The following SYCE1L variants were observed in gnomAD, a reference collection of about 807,000 sequenced individuals.
SYCE1L encodes synaptonemal complex central element protein 1-like.
SYCE1L carries 51 observed loss-of-function variants against 39.6 expected under a neutral mutation model. The observed-to-expected ratio is 1.29, with a 90% CI of 1.03 to 1.63. The LOEUF (loss-of-function observed/expected upper bound fraction) is 1.63, where lower values mean the gene tolerates loss of function less well. SYCE1L is among the 40% of genes most tolerant of loss of function. SYCE1L has a pLI of 0.00. For synonymous variants in SYCE1L, 147 were observed against 122.4 expected (o/e 1.20, Z -1.33); for missense variants, 426 against 304.9 (o/e 1.40, Z -2.96).
At chr16:77,201,806 T>C (rs1307995061) in intron 1 of SYCE1L, 1 of 152,128 alleles carries the variant, frequency 6.6e-6, no homozygotes, top group Non-Finnish European at 1.5e-5. Context: ...AGTTCTAATT[T>C]AAATGTATTA....
intron 1 of SYCE1L, among the ~76,000 whole-genome samples, chr16:77,204,479 GAC>G (rs2054771505): frequency 6.6e-6 from 1 of 152,174 alleles, no homozygotes; most frequent in African/African-American, 2.4e-5. Context: ...GGCAGGTGAA[GAC>G]ACAGACAGGG....
chr16:77,206,690 G>C (rs2054787843), intron 2 of SYCE1L, among the ~76,000 whole-genome samples, 190 bp downstream of exon 2: 1 of 152,090 alleles, frequency 6.6e-6, no homozygotes, highest in African/African-American at 2.4e-5. Flanking sequence ...TAAAGGAATG[G>C]AAAAACCAGT....
chr16:77,206,100 C>T lies in SYCE1L; in HGVS notation c.62-341C>T, dbSNP rs2054783998. On this transcript the variant is annotated intron_variant, in intron 1 of 10. Coordinates refer to ENST00000378644, the MANE Select transcript of SYCE1L (RefSeq NM_001129979.3). ...AGAAATTCATATGAAATCTTCCTGC[C>T]CTATTGTTCTGGTTAGAACTTCATA... is the stretch of plus-strand genomic sequence containing the variant. Among the ~76,000 whole-genome samples the T allele has an allele frequency of 2.6e-5, 4 of 152,034 alleles. No homozygotes were observed. In the South Asian group the frequency reaches 8.3e-4, roughly 32 times the overall value.
chr16:77,208,668 T>C, intron 4 of SYCE1L, 129 bp downstream of exon 4: 1 of 880,666 alleles, frequency 1.1e-6, no homozygotes, highest in Non-Finnish European at 1.7e-6. Flanking sequence ...CCTTTCACTG[T>C]CTCATGTCAT....
intron 1 of SYCE1L, among the ~76,000 whole-genome samples, chr16:77,205,264 C>A (rs2054777983): frequency 6.6e-6 from 1 of 151,506 alleles, no homozygotes; most frequent in Non-Finnish European, 1.5e-5. Flanking sequence ...TGTGAGCCGC[C>A]TTTCGTCTTC....
intron 4 of SYCE1L, among the ~76,000 whole-genome samples, chr16:77,208,747 C>T (rs2054803254): frequency 6.6e-6 from 1 of 152,184 alleles, no homozygotes; most frequent in South Asian, 2.1e-4. Context: ...GAATAGAATC[C>T]CGCCCTCTCT....
chr16:77,205,324 C>T (rs944933959), intron 1 of SYCE1L, among the ~76,000 whole-genome samples: 1 of 151,386 alleles, frequency 6.6e-6, no homozygotes, highest in Non-Finnish European at 1.5e-5. Context: ...TGACTTTTAC[C>T]ACTGATTTCA....
rs905032794 is a variant in SYCE1L, at chr16:77,212,119, T to A, written c.424-11T>A. On this transcript the variant is annotated splice_polypyrimidine_tract_variant and intron_variant, in intron 7 of 10. Coordinates refer to ENST00000378644, the MANE Select transcript of SYCE1L (RefSeq NM_001129979.3). ...CGGCCAAACGGGGAGGCCTCCTCTT[T>A]GTCCTCGCAGATGCTGGAGCAGCGA... The A allele has an allele frequency of 6.5e-5, 101 of 1,547,066 alleles. No individual in the cohort carries two copies. Among genetic ancestry groups the A allele is most frequent in the Admixed American group, 7.9e-5 (4 of 50,620 alleles).
At chr16:77,201,922 G>C (rs956339757) in intron 1 of SYCE1L, 2 of 152,146 alleles carry the variant, frequency 1.3e-5, no homozygotes, top group African/African-American at 4.8e-5. Flanking sequence ...CAAAAATGGA[G>C]GGGGGTATAG....
chr16:77,206,361 C>G (rs1006924552), intron 1 of SYCE1L, 80 bp from the exon 2 acceptor site: 3 of 1,288,500 alleles, frequency 2.3e-6, no homozygotes, highest in Non-Finnish European at 3.3e-6. Flanking sequence ...GTCTGCAGAG[C>G]CCACTGGGAC....
rs111823947 is a variant in SYCE1L, at chr16:77,199,442, G to A, written c.-10G>A. The A allele has an allele frequency of 6.4e-6, 10 of 1,551,348 alleles. No homozygotes were observed. In the African/African-American group the frequency reaches 6.8e-5, roughly 11 times the overall value. On this transcript the variant is annotated 5_prime_UTR_variant, in exon 1 of 11. Transcript: ENST00000378644. Reference sequence around the variant, plus strand: ...CAAGCGAGGCTCGCGCGCAGGCCCCGCGTTGGAAAATGGCGGGGAAGCTGA... The same window carrying A: ...CAAGCGAGGCTCGCGCGCAGGCCCCACGTTGGAAAATGGCGGGGAAGCTGA...
rs191407879 is a variant in SYCE1L at position 77,211,423 on chromosome 16, C to T, written c.423+147C>T. The T allele has an allele frequency of 1.4e-4, 137 of 961,456 alleles. No homozygotes were observed. The African/African-American group carries it at 2.0e-3, about 14-fold the overall frequency. The allele number at this position is 961,456 out of a possible 1,614,324, so 59.6% of individuals were successfully genotyped here. A position where few individuals can be genotyped will look rare whatever the true frequency, so the allele number is the denominator to read the frequency against. Reference sequence around the variant, plus strand: ...TTCCGCTTGCCCACCTATTCAGTCCCTCAGCTTTTATCTAAAATCAACTTA... The same window carrying T: ...TTCCGCTTGCCCACCTATTCAGTCCTTCAGCTTTTATCTAAAATCAACTTA... On this transcript the variant is annotated intron_variant, in intron 7 of 10. Coordinates refer to ENST00000378644, the MANE Select transcript of SYCE1L (RefSeq NM_001129979.3).
At chr16:77,205,838 C>A (rs972135816) in intron 1 of SYCE1L, among the ~76,000 whole-genome samples, 1 of 152,096 alleles carries the variant, frequency 6.6e-6, no homozygotes, top group African/African-American at 2.4e-5. Context: ...GAGCACTCCC[C>A]AAGGCAGCTT....
At position 77,200,256 on chromosome 16, in the gene SYCE1L, G is replaced by GTATATATATATATATGTATATATATA. The variant is rs2054720013; in HGVS notation, c.61+761_61+762insATATATATATATATATATATATATGT. 15 of 83,624 alleles carry GTATATATATATATATGTATATATATA rather than the reference G, an allele frequency of 1.8e-4. 1 individual carries two copies. The highest frequency in any genetic ancestry group is 5.6e-4 in the African/African-American group (15 of 26,946). The allele number at this position is 83,624 out of a possible 1,614,324, so 5.2% of individuals were successfully genotyped here. On this transcript the variant is annotated intron_variant, in intron 1 of 10. Transcript: ENST00000378644. The stretch of plus-strand genomic sequence containing the variant: ...TGTATATATATATATATGTATATGT[G>GTATATATATATATATGTATATATATA]TATATATATATATATGTGTATATAT...
At chr16:77,203,293 T>G (rs572147202) in intron 1 of SYCE1L, among the ~76,000 whole-genome samples, 38 of 152,304 alleles carry the variant, frequency 2.5e-4, no homozygotes, top group African/African-American at 8.9e-4. Context: ...GAGGGGAGAC[T>G]TTTCCTTTTT....
intron 1 of SYCE1L, among the ~76,000 whole-genome samples, chr16:77,205,250 G>A (rs1187072867): frequency 6.6e-6 from 1 of 151,538 alleles, no homozygotes; most frequent in Non-Finnish European, 1.5e-5. Context: ...TGGCTATCAT[G>A]TTTTGTGAGC....
intron 1 of SYCE1L, among the ~76,000 whole-genome samples, chr16:77,203,060 CAG>C (rs2054758063): frequency 1.3e-5 from 2 of 152,046 alleles, no homozygotes; most frequent in Admixed American, 1.3e-4. Flanking sequence ...GTGATTGTAT[CAG>C]GGGAAGCAGT....
rs2054838106 is a variant in SYCE1L, at chr16:77,213,049, G to A, written c.*118G>A. On this transcript the variant is annotated 3_prime_UTR_variant, in exon 11 of 11. Transcript: ENST00000378644. ...TCTGTGCTACACCGTGGAGCGGGGCGGGGCGTGCTGGGATCTCGAGGCGGG... is the reference window on the plus strand; with the variant it reads ...TCTGTGCTACACCGTGGAGCGGGGCAGGGCGTGCTGGGATCTCGAGGCGGG... 67 of 1,092,848 alleles carry A rather than the reference G, an allele frequency of 6.1e-5. No individual in the cohort carries two copies. The highest frequency in any genetic ancestry group is 7.6e-5 in the Non-Finnish European group (64 of 837,394). 67.7% of individuals were successfully genotyped at this position (1,092,848 alleles called of 1,614,324 possible). A position where few individuals can be genotyped will look rare whatever the true frequency, so the allele number is the denominator to read the frequency against.
intron 2 of SYCE1L, among the ~76,000 whole-genome samples, chr16:77,207,354 G>A (rs1030099980): frequency 1.3e-5 from 2 of 152,272 alleles, no homozygotes; most frequent in Non-Finnish European, 1.5e-5. Flanking sequence ...TTCCGTGTTG[G>A]CAACCTTGAA....
Sources: gnomAD v4.1 joint callset for allele counts (sites outside exome capture counted in the v4.1 genomes callset) on GRCh38, gnomAD v4.1.1 for gene constraint, MANE v1.5 for transcripts, NCBI Gene and HGNC (gene_info 2026-07-23, HGNC 2026-07-21) for gene names.